OAS3: variants seen among roughly 807,000 people sequenced by gnomAD.
The protein encoded by OAS3 is 2'-5'-oligoadenylate synthase 3.
Under a neutral mutation model 113.0 loss-of-function variants are expected in OAS3, and 107 were observed. The ratio of observed to expected loss-of-function variants is 0.95; its 90% CI spans 0.81 to 1.11. The LOEUF is 1.11. Among genes scored for constraint, OAS3 ranks in the 50% most tolerant of loss-of-function variants. The probability of loss-of-function intolerance (pLI) is 0.00; values close to 1 mark genes in which losing one functional copy is unlikely to be tolerated. For synonymous variants in OAS3, 552 were observed against 573.6 expected, an observed-to-expected ratio of 0.96 and a Z score of 0.54; for missense variants, 1,258 against 1,389.1, an observed-to-expected ratio of 0.91 and a Z score of 1.50.
Position 112,970,719 on chromosome 12 carries a change from T to C in OAS3, c.*746T>C, listed in dbSNP as rs891051033. 6.6e-6 allele frequency: 1 copy of C among 152,308 alleles called. No individual in the cohort carries two copies. The highest frequency in any genetic ancestry group is 1.5e-5 in the Non-Finnish European group (1 of 68,150). The allele number at this position is 152,308 out of a possible 1,614,324, so 9.4% of individuals were successfully genotyped here. A position where few individuals can be genotyped will look rare whatever the true frequency, so the allele number is the denominator to read the frequency against. On this transcript the variant is annotated 3_prime_UTR_variant, in exon 16 of 16. Transcript: ENST00000228928. Reference sequence around the variant, plus strand: ...GAGAGCATGCCCATATTGGCTTACTTTGTCTGCCACAGACACAGACAGAGG... The same window carrying C: ...GAGAGCATGCCCATATTGGCTTACTCTGTCTGCCACAGACACAGACAGAGG...
At chr12:112,953,601 C>T (rs954291005) in intron 7 of OAS3, among the ~76,000 whole-genome samples, 10 of 152,158 alleles carry the variant, frequency 6.6e-5, no homozygotes, top group Non-Finnish European at 1.5e-4. Flanking sequence ...TACAGTCCCA[C>T]CAACAGTGTA....
At position 112,947,826 on chromosome 12, in the gene OAS3, G is replaced by A. The variant is rs556099164; in HGVS notation, c.876-120G>A. 140 of 868,858 alleles carry A rather than the reference G, an allele frequency of 1.6e-4. No individual in the cohort carries two copies. In the African/African-American group the frequency reaches 1.9e-3, roughly 12 times the overall value. The allele number at this position is 868,858 out of a possible 1,614,324, so 53.8% of individuals were successfully genotyped here. A position where few individuals can be genotyped will look rare whatever the true frequency, so the allele number is the denominator to read the frequency against. ...ATAAGGAAATCGAGGCTCAGAGAGGGTAAATCATTTGCCCCAGGTCACACA... is the reference window on the plus strand; with the variant it reads ...ATAAGGAAATCGAGGCTCAGAGAGGATAAATCATTTGCCCCAGGTCACACA... On this transcript the variant is annotated intron_variant, in intron 4 of 15. Transcript: ENST00000228928.
chr12:112,941,853 G>T lies in OAS3; in HGVS notation c.460+1G>T. ...CTGGTGCCTGCCTTCAATGTCCTGG[G>T]TGAGGGGTTCCTAGACCATTCCAGG... On this transcript the variant is annotated splice_donor_variant, in intron 2 of 15. Coordinates refer to ENST00000228928, the MANE Select transcript of OAS3 (RefSeq NM_006187.4). LOFTEE classifies it high-confidence loss of function. The T allele has an allele frequency of 1.2e-6, 2 of 1,614,002 alleles. No individual in the cohort carries two copies. Among genetic ancestry groups the T allele is most frequent in the Non-Finnish European group, 1.7e-6 (2 of 1,179,894 alleles).
chr12:112,961,261 G>T lies in OAS3; in HGVS notation c.1833+15G>T, dbSNP rs564776805. 7 of 1,610,078 alleles carry T rather than the reference G, an allele frequency of 4.3e-6. No homozygotes were observed. The East Asian group carries it at 1.3e-4, about 31-fold the overall frequency. The stretch of plus-strand genomic sequence containing the variant: ...GGTACCGCCAGGTGAGTTGCCCCTG[G>T]CTCCTCCCAGGAAGCCACCACTGTC... On this transcript the variant is annotated intron_variant, in intron 8 of 15. Coordinates refer to ENST00000228928, the MANE Select transcript of OAS3 (RefSeq NM_006187.4).
Position 112,970,400 on chromosome 12 carries a change from A to ATACTT in OAS3, c.*429_*430insCTTTA, listed in dbSNP as rs2043974347. The ATACTT allele has an allele frequency of 1.7e-5, 4 of 230,024 alleles. 1 individual carries two copies. In the South Asian group the frequency reaches 2.3e-4, roughly 13 times the overall value. The allele number at this position is 230,024 out of a possible 1,614,324, so 14.2% of individuals were successfully genotyped here. On this transcript the variant is annotated 3_prime_UTR_variant, in exon 16 of 16. Transcript: ENST00000228928. ...ATTGGCCTCTCCTTGCCAAATCTAA[A>ATACTT]TAGTTTATATAGGGATGGCAGAGAG...
In OAS3 at chr12:112,941,563, T is replaced by G. The variant is rs199702957; in HGVS notation, c.178-7T>G. 140 of 1,607,110 alleles carry G rather than the reference T, an allele frequency of 8.7e-5. No homozygotes were observed. The highest frequency in any genetic ancestry group is 1.0e-4 in the Admixed American group (6 of 59,414). ...TATGAAATTCTGAGTTATTTTTCTTTGCCCAGGGAGGCTCCTCGGGCCGGG... is the reference window on the plus strand; with the variant it reads ...TATGAAATTCTGAGTTATTTTTCTTGGCCCAGGGAGGCTCCTCGGGCCGGG... On this transcript the variant is annotated splice_region_variant and splice_polypyrimidine_tract_variant and intron_variant, in intron 1 of 15. Coordinates refer to ENST00000228928, the MANE Select transcript of OAS3 (RefSeq NM_006187.4).
At chr12:112,951,021 G>A in intron 7 of OAS3, 46 bp downstream of exon 7, 3 of 1,567,690 alleles carry the variant, frequency 1.9e-6, no homozygotes, top group Non-Finnish European at 2.6e-6. Flanking sequence ...GGGACCTCAG[G>A]CGCCCATCTA....
intron 7 of OAS3, 110 bp downstream of exon 7, chr12:112,951,085 A>T (rs1317869119): frequency 1.8e-6 from 2 of 1,098,050 alleles, no homozygotes; most frequent in Non-Finnish European, 2.6e-6. Flanking sequence ...TTGACCAAGC[A>T]TTGAAAACTA....
chr12:112,967,361 G>T (rs2043942586), intron 12 of OAS3, 57 bp from the exon 13 acceptor site: 1 of 1,511,392 alleles, frequency 6.6e-7, no homozygotes, highest in African/African-American at 1.4e-5. Flanking sequence ...TTTCTAAGTT[G>T]GCCCCACTGG....
At position 112,971,296 on chromosome 12, in the gene OAS3, A is replaced by G. The variant is rs2043982020; in HGVS notation, c.*1323A>G. The G allele has an allele frequency of 6.5e-6, 1 of 153,062 alleles. No homozygotes were observed. Among genetic ancestry groups the G allele is most frequent in the African/African-American group, 2.4e-5 (1 of 41,474 alleles). The allele number at this position is 153,062 out of a possible 1,614,324, so 9.5% of individuals were successfully genotyped here. A position where few individuals can be genotyped will look rare whatever the true frequency, so the allele number is the denominator to read the frequency against. ...GCCATCACTGCCCCACATGGACAAA[A>G]CTGGAGTCGAGACCTAGGTTAGATT... On this transcript the variant is annotated 3_prime_UTR_variant, in exon 16 of 16. Transcript: ENST00000228928.
chr12:112,959,464 A>G (rs1219451069), intron 7 of OAS3, among the ~76,000 whole-genome samples: 1 of 152,122 alleles, frequency 6.6e-6, no homozygotes, highest in Non-Finnish European at 1.5e-5. Context: ...AGCTGTTCCT[A>G]TTCAGCCATC....
chr12:112,941,892 G>C, intron 2 of OAS3, 40 bp downstream of exon 2: 1 of 1,613,438 alleles, frequency 6.2e-7, no homozygotes. Flanking sequence ...GGGGGCAAAA[G>C]ATCATTGGGA....
At position 112,946,683 on chromosome 12, in the gene OAS3, G is replaced by A. The variant is rs1196495206; in HGVS notation, c.637-60G>A. ...AAGGTCCCCAGTCTGGTTATGCAGA[G>A]AGCTGGCTCTCTTTCCTCCCCTTCT... is the stretch of plus-strand genomic sequence containing the variant. On this transcript the variant is annotated intron_variant, in intron 3 of 15. Coordinates refer to ENST00000228928, the MANE Select transcript of OAS3 (RefSeq NM_006187.4). 6.2e-6 allele frequency: 9 copies of A among 1,449,622 alleles called. No individual in the cohort carries two copies. In the Admixed American group the frequency reaches 7.9e-5, roughly 13 times the overall value. The allele number at this position is 1,449,622 out of a possible 1,614,324, so 89.8% of individuals were successfully genotyped here.
At chr12:112,944,379 C>G (rs571021196) in intron 2 of OAS3, 97 bp from the exon 3 acceptor site, 2 of 1,328,560 alleles carry the variant, frequency 1.5e-6, no homozygotes, top group Admixed American at 1.7e-5. Flanking sequence ...ATTCTTCCCA[C>G]TCTCTCTCAG....
chr12:112,951,085 A>G, intron 7 of OAS3, 110 bp downstream of exon 7: 1 of 1,098,170 alleles, frequency 9.1e-7, no homozygotes, highest in Non-Finnish European at 1.3e-6. Context: ...TTGACCAAGC[A>G]TTGAAAACTA....
At chr12:112,959,825 C>T (rs4766677) in intron 7 of OAS3, among the ~76,000 whole-genome samples, 39,891 of 151,890 alleles carry the variant, frequency 0.26, 6,572 homozygotes, top group East Asian at 0.75. Context: ...GTGACTTTTT[C>T]ACCTCTAAAA....
chr12:112,966,817 A>C (rs183652023), intron 12 of OAS3, among the ~76,000 whole-genome samples: 66 of 152,136 alleles, frequency 4.3e-4, no homozygotes, highest in African/African-American at 1.5e-3. Context: ...AATTTATAGA[A>C]TTTTTTGTAG....
chr12:112,960,952 G>A, intron 7 of OAS3, 119 bp from the exon 8 acceptor site: 1 of 918,308 alleles, frequency 1.1e-6, no homozygotes, highest in Non-Finnish European at 1.7e-6. Context: ...GTGTATTATT[G>A]ATTGCAATGT....
chr12:112,962,749 G>T lies in OAS3; in HGVS notation c.1931G>T (p.Cys644Phe), dbSNP rs750971252. 6.2e-7 allele frequency: 1 copy of T among 1,614,042 alleles called. No individual in the cohort carries two copies. Among genetic ancestry groups the T allele is most frequent in the African/African-American group, 1.3e-5 (1 of 75,052 alleles). The change falls in exon 9 of 16, where the codon TGC (cysteine) becomes TTC (phenylalanine). Residue 644 changes from cysteine (C) to phenylalanine (F), a missense_variant. Coordinates refer to ENST00000228928, the MANE Select transcript of OAS3 (RefSeq NM_006187.4). Reference sequence around the variant, plus strand: ...ACCATCTTTGCCTGGGAGCAGGGCTGCAGGCAGGATTGTTTCAACATGGCC... The same window carrying T: ...ACCATCTTTGCCTGGGAGCAGGGCTTCAGGCAGGATTGTTTCAACATGGCC... ...LLTIFAWEQG[C>F]RQDCFNMAQG...
Sources: gnomAD v4.1 joint callset for allele counts (sites outside exome capture counted in the v4.1 genomes callset) on GRCh38, gnomAD v4.1.1 for gene constraint, MANE v1.5 for transcripts, NCBI Gene and HGNC (gene_info 2026-07-23, HGNC 2026-07-21) for gene names.